Variants in ABI3BP observed in about 807,000 individuals in gnomAD.
ABI3BP encodes ABI family member 3 binding protein.
A neutral mutation model predicts 268.6 loss-of-function variants in ABI3BP; 216 were observed. The ratio of observed to expected loss-of-function variants is 0.80; its 90% CI spans 0.72 to 0.90. The LOEUF is 0.90. ABI3BP is among the 40% of genes least tolerant of loss of function. The pLI is 0.00. For synonymous variants in ABI3BP, 730 were observed against 730.0 expected (o/e 1.00, Z 0.00); for missense variants, 2,090 against 2,182.4 (o/e 0.96, Z 0.84).
rs369219970 is a variant in ABI3BP at position 100,983,831 on chromosome 3, T to C, written c.79+9475A>G. On this transcript the variant is annotated intron_variant, in intron 1 of 67. Coordinates refer to ENST00000471714, the MANE Select transcript of ABI3BP (RefSeq NM_001375547.2). Reference sequence around the variant, plus strand: ...ATCTGGCTTCTGAGAGTAGCACTTATGTTCTAACACTAAAACCAAATGCTC... The same window carrying C: ...ATCTGGCTTCTGAGAGTAGCACTTACGTTCTAACACTAAAACCAAATGCTC... 1.3e-4 allele frequency among the ~76,000 whole-genome samples: 20 copies of C among 152,346 alleles called. No homozygotes were observed. In the South Asian group the frequency reaches 2.9e-3, roughly 22 times the overall value.
chr3:100,791,443 T>G (rs1218605515), intron 55 of ABI3BP, among the ~76,000 whole-genome samples: 2 of 151,910 alleles, frequency 1.3e-5, no homozygotes, highest in Non-Finnish European at 2.9e-5. Flanking sequence ...ATTTATGTAT[T>G]TTGTGGTAAA....
chr3:100,848,908 G>T, intron 17 of ABI3BP, 33 bp from the exon 18 acceptor site: 1 of 1,586,492 alleles, frequency 6.3e-7, no homozygotes, highest in Non-Finnish European at 8.6e-7. Flanking sequence ...TTTGATAAAT[G>T]ATATTTTTCA....
intron 1 of ABI3BP, chr3:100,931,047 T>G (rs1033123445): frequency 7.2e-5 from 11 of 151,984 alleles, no homozygotes; most frequent in African/African-American, 2.7e-4. Context: ...ATATGCAAAT[T>G]AATAAATGTG....
intron 4 of ABI3BP, among the ~76,000 whole-genome samples, chr3:100,894,210 T>C (rs2046091372): frequency 6.6e-6 from 1 of 151,912 alleles, no homozygotes; most frequent in African/African-American, 2.4e-5. Context: ...AAATAGAAAA[T>C]AAATGAAGTT....
At chr3:100,753,213 A>G (rs557882809) in intron 65 of ABI3BP, among the ~76,000 whole-genome samples, 1 of 152,174 alleles carries the variant, frequency 6.6e-6, no homozygotes, top group Non-Finnish European at 1.5e-5. Flanking sequence ...TTAGGAGCAA[A>G]TTTAGGTTTC....
At chr3:100,875,172 T>C (rs2153275025) in intron 8 of ABI3BP, among the ~76,000 whole-genome samples, 1 of 152,312 alleles carries the variant, frequency 6.6e-6, no homozygotes, top group Admixed American at 6.5e-5. Context: ...TCAAAAATTG[T>C]ATAATGGCTG....
At chr3:100,803,351 C>A (rs572773797) in intron 51 of ABI3BP, among the ~76,000 whole-genome samples, 4 of 142,466 alleles carry the variant, frequency 2.8e-5, no homozygotes, top group Admixed American at 1.4e-4. Context: ...AAAAGTGGTC[C>A]GCTCTTTATA....
chr3:100,901,529 C>T (rs1415359320), intron 3 of ABI3BP, among the ~76,000 whole-genome samples: 2 of 152,024 alleles, frequency 1.3e-5, no homozygotes, highest in South Asian at 2.1e-4. Context: ...TTTGGGAGAG[C>T]GAGGTGGGGG....
At chr3:100,838,517 A>T (rs1005570541) in intron 24 of ABI3BP, 53 bp from the exon 25 acceptor site, 1 of 1,369,612 alleles carries the variant, frequency 7.3e-7, no homozygotes, top group Non-Finnish European at 1.0e-6. Context: ...GTGACTGTCA[A>T]AATTAAGGAC....
chr3:100,788,960 T>C lies in ABI3BP; in HGVS notation c.4087+494A>G, dbSNP rs565217210. Among the ~76,000 whole-genome samples, 303 of 152,208 alleles carry C rather than the reference T, an allele frequency of 2.0e-3. 3 individuals carry two copies. Among genetic ancestry groups the C allele is most frequent in the Admixed American group, 3.1e-3 (48 of 15,270 alleles). On this transcript the variant is annotated intron_variant, in intron 56 of 67. Transcript: ENST00000471714. ...TCCAATGAGGGTAATCCTAGGACCT[T>C]TGGAGAATTTAGTAAATTTAACGTA...
chr3:100,906,355 G>A (rs1399751127), intron 2 of ABI3BP, among the ~76,000 whole-genome samples: 1 of 152,192 alleles, frequency 6.6e-6, no homozygotes, highest in African/African-American at 2.4e-5. Context: ...CATTACCTGG[G>A]TGCATGTGTT....
In ABI3BP at chr3:100,902,653, G is replaced by A. The variant is rs1184585208; in HGVS notation, c.293C>T (p.Pro98Leu). 6.2e-7 allele frequency: 1 copy of A among 1,613,918 alleles called. No individual in the cohort carries two copies. ...AEPKYLIVVR[P>L]APPPSQKKSC... ...CTTCTTTTGACTTGGAGGTGGAGCA[G>A]GTCGCACAACTATCAGATATTTCGG... The change falls in exon 3 of 68, where the codon CCT (proline) becomes CTT (leucine). Residue 98 changes from proline to leucine, a missense_variant. By Grantham distance (98) the Pro-to-Leu change is moderately conservative. Coordinates refer to ENST00000471714, the MANE Select transcript of ABI3BP (RefSeq NM_001375547.2).
At chr3:100,836,527 A>T (rs1579742691) in intron 27 of ABI3BP, among the ~76,000 whole-genome samples, 1 of 152,204 alleles carries the variant, frequency 6.6e-6, no homozygotes, top group Admixed American at 6.5e-5. Context: ...AAAGGCATAT[A>T]TAATAGAAGA....
At chr3:100,948,133 A>C (rs1209632747) in intron 1 of ABI3BP, among the ~76,000 whole-genome samples, 2 of 152,198 alleles carry the variant, frequency 1.3e-5, no homozygotes, top group Admixed American at 6.5e-5. Flanking sequence ...CAGGGAAGCT[A>C]TAGAGGACAG....
At chr3:100,789,794 T>G (rs1412678314) in intron 55 of ABI3BP, among the ~76,000 whole-genome samples, 7 of 152,050 alleles carry the variant, frequency 4.6e-5, no homozygotes, top group African/African-American at 1.7e-4. Flanking sequence ...TCAAGAGCAT[T>G]CATTTTACCA....
At chr3:100,973,593 A>G (rs1673603956) in intron 1 of ABI3BP, among the ~76,000 whole-genome samples, 1 of 152,136 alleles carries the variant, frequency 6.6e-6, no homozygotes, top group South Asian at 2.1e-4. Flanking sequence ...TCTTTCACCA[A>G]CACTTTCATT....
chr3:100,849,242 T>TTTTTTG (rs2098811060), intron 17 of ABI3BP, among the ~76,000 whole-genome samples: 1 of 150,822 alleles, frequency 6.6e-6, no homozygotes, highest in African/African-American at 2.4e-5. Flanking sequence ...TTTTTTTTTT[T>TTTTTTG]TGGAGACAGA....
rs2095225878 is a variant in ABI3BP, at chr3:100,749,832, G to C, written c.*663C>G. 2.5e-6 allele frequency: 1 copy of C among 396,902 alleles called. No homozygotes were observed. The highest frequency in any genetic ancestry group is 4.4e-5 in the Admixed American group (1 of 22,668). The allele number at this position is 396,902 out of a possible 1,614,324, so 24.6% of individuals were successfully genotyped here. On this transcript the variant is annotated 3_prime_UTR_variant, in exon 68 of 68. Coordinates refer to ENST00000471714, the MANE Select transcript of ABI3BP (RefSeq NM_001375547.2). Reference sequence around the variant, plus strand: ...ATGTATCTTTTGAAACAATATATTAGACTCCATTTTTAGCTGAAATGAAAT... The same window carrying C: ...ATGTATCTTTTGAAACAATATATTACACTCCATTTTTAGCTGAAATGAAAT...
chr3:100,924,851 C>G (rs764262096), intron 2 of ABI3BP, among the ~76,000 whole-genome samples: 1 of 152,028 alleles, frequency 6.6e-6, no homozygotes, highest in Non-Finnish European at 1.5e-5. Context: ...ACCCAAATTT[C>G]AATTTATATA....
Sources: allele counts gnomAD v4.1 joint callset (sites outside exome capture counted in the v4.1 genomes callset), GRCh38; gene constraint gnomAD v4.1.1; transcripts MANE v1.5; gene names NCBI Gene and HGNC (gene_info 2026-07-23, HGNC 2026-07-21).